Variants in AMMECR1L observed in about 807,000 individuals in gnomAD.
The protein encoded by AMMECR1L is AMMECR1-like protein.
A neutral mutation model predicts 36.8 loss-of-function variants in AMMECR1L; 4 were observed. The ratio of observed to expected loss-of-function variants is 0.11; its 90% CI spans 0.05 to 0.25. The LOEUF is 0.25. AMMECR1L is among the 10% of genes least tolerant of loss of function. AMMECR1L has a pLI of 1.00. For missense variants in AMMECR1L, 232 were observed against 392.1 expected (o/e 0.59, Z 3.45); for synonymous variants, 147 against 148.0 (o/e 0.99, Z 0.05).
Position 127,874,352 on chromosome 2 carries a change from G to C in AMMECR1L, c.-38-80C>G, listed in dbSNP as rs1299432164. ...AAAAAACATCAAAGATAGAGAGTCT[G>C]CATTGACCAGCTAAGAGCTGTCAAA... is the stretch of plus-strand genomic sequence containing the variant. On this transcript the variant is annotated intron_variant, in intron 2 of 7. Coordinates refer to ENST00000272647, the MANE Select transcript of AMMECR1L (RefSeq NM_001199140.2). The surrounding 1 kb of genome is among the most constrained non-coding windows in gnomAD (Gnocchi z 5.2). 6 of 1,320,246 alleles carry C rather than the reference G, an allele frequency of 4.5e-6. No individual in the cohort carries two copies. The highest frequency in any genetic ancestry group is 6.2e-6 in the Non-Finnish European group (6 of 973,528). 81.8% of individuals were successfully genotyped at this position (1,320,246 alleles called of 1,614,324 possible). A position where few individuals can be genotyped will look rare whatever the true frequency, so the allele number is the denominator to read the frequency against.
intron 2 of AMMECR1L, among the ~76,000 whole-genome samples, chr2:127,879,507 T>C (rs1489109864): frequency 1.3e-5 from 2 of 152,194 alleles, no homozygotes; most frequent in African/African-American, 4.8e-5. Flanking sequence ...CTGAGCCAAT[T>C]AAGCCTTTTT....
rs1690951108 is a variant in AMMECR1L, at chr2:127,871,216, T to C, written c.518+33A>G. 1.2e-6 allele frequency: 2 copies of C among 1,602,532 alleles called. No individual in the cohort carries two copies. The highest frequency in any genetic ancestry group is 4.5e-5 in the East Asian group (2 of 44,740). ...GCAGCTATTTCTGATTCTAGCCAAT[T>C]TATCTACAGTTCTTAATGTCTGGTG... On this transcript the variant is annotated intron_variant, in intron 4 of 7. Transcript: ENST00000272647. This position sits in a 1 kb window ranked among gnomAD's most constrained non-coding sequence, Gnocchi z 4.3.
intron 3 of AMMECR1L, among the ~76,000 whole-genome samples, chr2:127,872,070 T>C (rs1018727603): frequency 6.6e-6 from 1 of 151,520 alleles, no homozygotes; most frequent in African/African-American, 2.4e-5. Flanking sequence ...GCTCCTGTAA[T>C]CTCAGCTACT....
At position 127,885,738 on chromosome 2, in the gene AMMECR1L, A is replaced by G; in HGVS notation, c.-149+72T>C. ...CCGGCGAGAACAGGCCCGGCGGGCA[A>G]GGCGGCGGCGGACCGAGGGAGGCCT... On this transcript the variant is annotated intron_variant, in intron 1 of 7. Coordinates refer to ENST00000272647, the MANE Select transcript of AMMECR1L (RefSeq NM_001199140.2). 5 of 980,176 alleles carry G rather than the reference A, an allele frequency of 5.1e-6. No individual in the cohort carries two copies. In the South Asian group the frequency reaches 1.9e-4, roughly 37 times the overall value. The allele number at this position is 980,176 out of a possible 1,614,324, so 60.7% of individuals were successfully genotyped here. A position where few individuals can be genotyped will look rare whatever the true frequency, so the allele number is the denominator to read the frequency against.
chr2:127,876,206 T>A (rs2104767428), intron 2 of AMMECR1L, among the ~76,000 whole-genome samples: 1 of 152,036 alleles, frequency 6.6e-6, no homozygotes, highest in South Asian at 2.1e-4. Flanking sequence ...AAAAATTAGC[T>A]GAGCATGGTG....
Position 127,871,961 on chromosome 2 carries a change from G to A in AMMECR1L, c.408-602C>T, listed in dbSNP as rs1006045915. Among the ~76,000 whole-genome samples the A allele has an allele frequency of 2.6e-5, 4 of 152,140 alleles. No individual in the cohort carries two copies. The highest frequency in any genetic ancestry group is 9.7e-5 in the African/African-American group (4 of 41,426). ...CCCAGCACTTTGGGAGGCCAAGGTGGGCGGATCACTTGAGGTAAGGAGTTC... is the reference window on the plus strand; with the variant it reads ...CCCAGCACTTTGGGAGGCCAAGGTGAGCGGATCACTTGAGGTAAGGAGTTC... On this transcript the variant is annotated intron_variant, in intron 3 of 7. Coordinates refer to ENST00000272647, the MANE Select transcript of AMMECR1L (RefSeq NM_001199140.2). The surrounding 1 kb of genome is among the most constrained non-coding windows in gnomAD (Gnocchi z 4.3).
At position 127,867,796 on chromosome 2, in the gene AMMECR1L, A is replaced by AAAGG. The variant is rs368174899; in HGVS notation, c.725-804_725-801dup. Among the ~76,000 whole-genome samples the AAAGG allele has an allele frequency of 6.0e-3, 918 of 152,112 alleles. 9 individuals carry two copies. The highest frequency in any genetic ancestry group is 0.019 in the African/African-American group (782 of 41,502). On this transcript the variant is annotated intron_variant, in intron 6 of 7. Coordinates refer to ENST00000272647, the MANE Select transcript of AMMECR1L (RefSeq NM_001199140.2). ...AGGAAGAGGAAGAGGAAGAGGAAGG[A>AAAGG]AAGGAAGGAAGGAAGGAAGGAGCTG...
rs1690949123 is a variant in AMMECR1L, at chr2:127,871,169, C to G, written c.518+80G>C. The G allele has an allele frequency of 5.5e-6, 8 of 1,454,368 alleles. No homozygotes were observed. The South Asian group carries it at 9.4e-5, about 17-fold the overall frequency. 90.1% of individuals were successfully genotyped at this position (1,454,368 alleles called of 1,614,324 possible). On this transcript the variant is annotated intron_variant, in intron 4 of 7. Coordinates refer to ENST00000272647, the MANE Select transcript of AMMECR1L (RefSeq NM_001199140.2). The surrounding 1 kb of genome is among the most constrained non-coding windows in gnomAD (Gnocchi z 4.3). ...CAAAAAGAGAAAGCTCAACGTACAT[C>G]ACTTAGAAGAAATAAAGTCAGGCAG...
intron 1 of AMMECR1L, among the ~76,000 whole-genome samples, chr2:127,884,542 A>C (rs546483491): frequency 1.3e-5 from 2 of 152,318 alleles, no homozygotes; most frequent in Non-Finnish European, 2.9e-5. Flanking sequence ...CATCAGCAAG[A>C]AGGGAGGACA....
chr2:127,885,057 G>A (rs1691693485), intron 1 of AMMECR1L: 5 of 592,134 alleles, frequency 8.4e-6, no homozygotes, highest in African/African-American at 4.2e-5. Flanking sequence ...AATGTAGGAG[G>A]GCAAGGAGTG....
Position 127,862,232 on chromosome 2 carries a change from G to A in AMMECR1L, c.*2862C>T, listed in dbSNP as rs962649166. On this transcript the variant is annotated 3_prime_UTR_variant, in exon 8 of 8. Transcript: ENST00000272647. The stretch of plus-strand genomic sequence containing the variant: ...CACAGCTAGGGATGAAACGAACTCC[G>A]AACCAAGCCAGAGAAATTGGGCTGG... 1.3e-5 allele frequency: 2 copies of A among 153,712 alleles called. No homozygotes were observed. The highest frequency in any genetic ancestry group is 4.8e-5 in the African/African-American group (2 of 41,430). The allele number at this position is 153,712 out of a possible 1,614,324, so 9.5% of individuals were successfully genotyped here.
At chr2:127,883,150 A>G (rs1691592202) in intron 2 of AMMECR1L, among the ~76,000 whole-genome samples, 1 of 149,580 alleles carries the variant, frequency 6.7e-6, no homozygotes, top group Admixed American at 6.7e-5. Flanking sequence ...AGGCTGGAGT[A>G]CAGTGGCATG....
chr2:127,877,030 T>A (rs573437232), intron 2 of AMMECR1L, among the ~76,000 whole-genome samples: 1 of 74,042 alleles, frequency 1.4e-5, no homozygotes, highest in Admixed American at 1.2e-4. Context: ...AATATATATA[T>A]ATATACATAT....
intron 2 of AMMECR1L, among the ~76,000 whole-genome samples, chr2:127,875,763 T>C (rs1415806149): frequency 1.3e-5 from 2 of 151,302 alleles, no homozygotes; most frequent in African/African-American, 4.9e-5. Context: ...GCTTCTCTCT[T>C]TCCCTCTCCT....
chr2:127,879,228 G>C (rs1691383034), intron 2 of AMMECR1L, among the ~76,000 whole-genome samples: 1 of 152,214 alleles, frequency 6.6e-6, no homozygotes, highest in Non-Finnish European at 1.5e-5. Context: ...TGTGGGGCCT[G>C]GTGGGAGCTG....
chr2:127,872,163 T>A (rs1273737267), intron 3 of AMMECR1L, among the ~76,000 whole-genome samples: 19 of 142,556 alleles, frequency 1.3e-4, no homozygotes, highest in African/African-American at 4.7e-4. Context: ...CACTCCAGCC[T>A]CGACAAGACT....
rs950519130 is a variant in AMMECR1L, at chr2:127,885,536, A to C, written c.-149+274T>G. 5 of 983,096 alleles carry C rather than the reference A, an allele frequency of 5.1e-6. No individual in the cohort carries two copies. In the African/African-American group the frequency reaches 8.8e-5, roughly 17 times the overall value. 60.9% of individuals were successfully genotyped at this position (983,096 alleles called of 1,614,324 possible). On this transcript the variant is annotated intron_variant, in intron 1 of 7. Transcript: ENST00000272647. ...AGACAAGGACCAGGAGCGGGAGCCG[A>C]GCCTCGCGGCCCGGGGCACGGCGCC...
In AMMECR1L at chr2:127,862,454, C is replaced by G. The variant is rs1467506176; in HGVS notation, c.*2640G>C. 1 of 153,798 alleles carries G rather than the reference C, an allele frequency of 6.5e-6. No individual in the cohort carries two copies. The highest frequency in any genetic ancestry group is 2.4e-5 in the African/African-American group (1 of 41,472). The allele number at this position is 153,798 out of a possible 1,614,324, so 9.5% of individuals were successfully genotyped here. The stretch of plus-strand genomic sequence containing the variant: ...GGAGCTATCCTCTCCCTATGCAAAG[C>G]TGCCACATGGATGATCCAGACTTGG... On this transcript the variant is annotated 3_prime_UTR_variant, in exon 8 of 8. Transcript: ENST00000272647.
At position 127,873,825 on chromosome 2, in the gene AMMECR1L, C is replaced by T; in HGVS notation, c.407+3G>A. ...CAGTGCCCCCAGCACATGATTTACTCACTAGGGGTCATTGGTGAATCTAGG... is the reference window on the plus strand; with the variant it reads ...CAGTGCCCCCAGCACATGATTTACTTACTAGGGGTCATTGGTGAATCTAGG... On this transcript the variant is annotated splice_donor_region_variant and intron_variant, in intron 3 of 7. Coordinates refer to ENST00000272647, the MANE Select transcript of AMMECR1L (RefSeq NM_001199140.2). The surrounding 1 kb of genome is among the most constrained non-coding windows in gnomAD (Gnocchi z 5.2). 6.2e-7 allele frequency: 1 copy of T among 1,613,890 alleles called. No homozygotes were observed. Among genetic ancestry groups the T allele is most frequent in the Non-Finnish European group, 8.5e-7 (1 of 1,180,016 alleles).
Sources: gnomAD v4.1 joint callset for allele counts (sites outside exome capture counted in the v4.1 genomes callset) on GRCh38, gnomAD v4.1.1 for gene constraint, Gnocchi (gnomAD v3.1) non-coding constraint, MANE v1.5 for transcripts, NCBI Gene and HGNC (gene_info 2026-07-23, HGNC 2026-07-21) for gene names.